OTOGL: variants seen among roughly 807,000 people sequenced by gnomAD.
OTOGL encodes otogelin like.
OTOGL carries 285 observed loss-of-function variants against 318.5 expected under a neutral mutation model. The ratio of observed to expected loss-of-function variants is 0.89; its 90% CI spans 0.81 to 0.99. OTOGL has a LOEUF of 0.99. Among genes scored for constraint, OTOGL ranks in the 50% least tolerant of loss-of-function variants. The pLI, the probability that OTOGL is intolerant of heterozygous loss-of-function variation, is 0.00. For synonymous variants in OTOGL, 987 were observed against 936.5 expected, an observed-to-expected ratio of 1.05 and a Z score of -0.99; for missense variants, 2,899 against 2,845.6, an observed-to-expected ratio of 1.02 and a Z score of -0.43.
chr12:80,177,575 G>T (rs927805243), intron 1 of OTOGL, among the ~76,000 whole-genome samples: 19 of 151,792 alleles, frequency 1.3e-4, no homozygotes, highest in African/African-American at 4.6e-4. Flanking sequence ...TTTTTTAAAT[G>T]AAAGTTGTTT....
intron 11 of OTOGL, among the ~76,000 whole-genome samples, chr12:80,243,019 A>G (rs1189720172): frequency 8.0e-5 from 12 of 150,054 alleles, no homozygotes; most frequent in African/African-American, 1.3e-4. Flanking sequence ...TGATGTGAAA[A>G]CCAAGATTTT....
chr12:80,339,322 T>TTC (rs1491010121), intron 43 of OTOGL, 58 bp downstream of exon 43: 1 of 1,316,094 alleles, frequency 7.6e-7, no homozygotes, highest in Non-Finnish European at 1.0e-6. Flanking sequence ...TTTTTTTTTT[T>TTC]TCTATTCACG....
intron 57 of OTOGL, among the ~76,000 whole-genome samples, chr12:80,374,458 ATT>A (rs1323050369): frequency 2.6e-5 from 4 of 152,144 alleles, no homozygotes; most frequent in Admixed American, 6.6e-5. Flanking sequence ...TAACCTATAT[ATT>A]TTTAATTACT....
chr12:80,192,392 C>G (rs1210203489), intron 1 of OTOGL, among the ~76,000 whole-genome samples: 1 of 152,244 alleles, frequency 6.6e-6, no homozygotes, highest in African/African-American at 2.4e-5. Flanking sequence ...CCCTCCTCCC[C>G]ATGGAATTCT....
chr12:80,349,450 C>T (rs1889403482), intron 44 of OTOGL, among the ~76,000 whole-genome samples: 2 of 151,838 alleles, frequency 1.3e-5, no homozygotes, highest in African/African-American at 4.8e-5. Flanking sequence ...AGAGCATTTT[C>T]AGTGAGAGAA....
At chr12:80,342,201 G>A (rs1888822458) in intron 44 of OTOGL, 39 bp downstream of exon 44, 1 of 1,449,732 alleles carries the variant, frequency 6.9e-7, no homozygotes, top group African/African-American at 1.4e-5. Flanking sequence ...TTTCATGTTA[G>A]ATATGTTGAG....
chr12:80,107,895 A>C (rs1398257066), intron 1 of OTOGL, among the ~76,000 whole-genome samples: 1 of 152,118 alleles, frequency 6.6e-6, no homozygotes, highest in Non-Finnish European at 1.5e-5. Flanking sequence ...GAGCTAAGTA[A>C]CAAGAATACA....
At chr12:80,257,715 TCTC>T (rs1882181785) in intron 17 of OTOGL, 107 bp from the exon 18 acceptor site, 3 of 1,107,500 alleles carry the variant, frequency 2.7e-6, no homozygotes, top group Non-Finnish European at 3.7e-6. Context: ...CTAGCCTGCC[TCTC>T]CTCCTTCCCT....
chr12:80,315,112 G>A (rs2137809123), intron 32 of OTOGL, among the ~76,000 whole-genome samples: 1 of 152,222 alleles, frequency 6.6e-6, no homozygotes, highest in African/African-American at 2.4e-5. Context: ...GTTGGTCAAA[G>A]GGCACAAAGT....
chr12:80,130,834 C>T (rs1871193878), intron 1 of OTOGL, among the ~76,000 whole-genome samples: 1 of 152,218 alleles, frequency 6.6e-6, no homozygotes, highest in African/African-American at 2.4e-5. Flanking sequence ...TGCCATATTT[C>T]CTATCATGCT....
rs1887249826 is a variant in OTOGL, at chr12:80,320,446, C to T, written c.3827C>T (p.Ser1276Phe). 2 of 1,612,828 alleles carry T rather than the reference C, an allele frequency of 1.2e-6. No homozygotes were observed. Among genetic ancestry groups the T allele is most frequent in the South Asian group, 2.2e-5 (2 of 90,992 alleles). Residue 1276 changes from serine (S) to phenylalanine (F), a missense_variant, in exon 34 of 59, where the codon TCT becomes TTT. By Grantham distance (155) the Ser-to-Phe change is radical. Around this residue, in one of 3 missense-constraint regions of OTOGL, gnomAD observed 2,607 missense variants for 2,524.9 expected, o/e 1.03. Coordinates refer to ENST00000547103, the MANE Select transcript of OTOGL (RefSeq NM_001378609.3). The stretch of plus-strand genomic sequence containing the variant: ...GCATTAGCACTTGTTTCCTTGGAAT[C>T]TGCTGAAAGGCCAAACTACTTTCTC... ...VSSLALVSLESAERPNYFLYV... is the reference protein window; with the variant it reads ...VSSLALVSLEFAERPNYFLYV...
chr12:80,323,951 A>G (rs1887518708), intron 35 of OTOGL, 111 bp downstream of exon 35: 1 of 741,386 alleles, frequency 1.3e-6, no homozygotes. Flanking sequence ...TATATGCTAT[A>G]TATTCTTTCA....
At chr12:80,219,445 G>A (rs1476000176) in intron 5 of OTOGL, among the ~76,000 whole-genome samples, 1 of 152,182 alleles carries the variant, frequency 6.6e-6, no homozygotes, top group Non-Finnish European at 1.5e-5. Flanking sequence ...GGAGCTGATG[G>A]GATGTGCAGC....
intron 8 of OTOGL, among the ~76,000 whole-genome samples, chr12:80,231,616 C>A (rs1879364106): frequency 6.6e-6 from 1 of 151,800 alleles, no homozygotes; most frequent in Non-Finnish European, 1.5e-5. Flanking sequence ...TTTGACATGG[C>A]TACCTTTTTA....
At position 80,271,785 on chromosome 12, in the gene OTOGL, A is replaced by G. The variant is rs377473118; in HGVS notation, c.2656A>G (p.Ile886Val). Residue 886 changes from isoleucine to valine, a missense_variant, in exon 24 of 59, where the codon ATA (isoleucine) becomes GTA (valine). This residue lies in a region of OTOGL where 2,607 missense variants were observed against 2,524.9 expected (regional missense o/e 1.03). Transcript: ENST00000547103. ...CACCTGCACCCCATCCTCACCCTGTATAAGTGGCTGTGTTTGTGCTCCAGG... is the reference window on the plus strand; with the variant it reads ...CACCTGCACCCCATCCTCACCCTGTGTAAGTGGCTGTGTTTGTGCTCCAGG... ...NFTCTPSSPC[I>V]SGCVCAPGMA... 5.0e-6 allele frequency: 8 copies of G among 1,612,874 alleles called. No homozygotes were observed. The highest frequency in any genetic ancestry group is 1.1e-5 in the South Asian group (1 of 91,024).
At chr12:80,164,849 G>A (rs1460229053) in intron 1 of OTOGL, among the ~76,000 whole-genome samples, 1 of 152,046 alleles carries the variant, frequency 6.6e-6, no homozygotes, top group African/African-American at 2.4e-5. Context: ...AAAGAAAAGA[G>A]GTTTAATTGG....
Position 80,350,199 on chromosome 12 carries a change from T to G in OTOGL, c.5266-2096T>G, listed in dbSNP as rs139344225. Among the ~76,000 whole-genome samples, 500 of 152,352 alleles carry G rather than the reference T, an allele frequency of 3.3e-3. 3 individuals are homozygous for G. The highest frequency in any genetic ancestry group is 0.011 in the African/African-American group (472 of 41,578). ...GCTTATTTCACTTAACATCATGTTC[T>G]CTGGGTTCATTCATGTTGTCACAAA... On this transcript the variant is annotated intron_variant, in intron 44 of 58. Transcript: ENST00000547103.
At chr12:80,332,889 G>C in intron 37 of OTOGL, 116 bp from the exon 38 acceptor site, 1 of 773,766 alleles carries the variant, frequency 1.3e-6, no homozygotes. Flanking sequence ...AGGATTCTAG[G>C]AAGGAATATG....
chr12:80,233,192 G>A lies in OTOGL; in HGVS notation c.817+95G>A, dbSNP rs532949123. ...ACCCAGAAGACTTGTCATAGCTTTG[G>A]GAAAATTTGTGGCTGTCACTTGCCT... On this transcript the variant is annotated intron_variant, in intron 9 of 58. Coordinates refer to ENST00000547103, the MANE Select transcript of OTOGL (RefSeq NM_001378609.3). 3,954 of 1,138,984 alleles carry A rather than the reference G, an allele frequency of 3.5e-3. 18 individuals are homozygous for A. The highest frequency in any genetic ancestry group is 4.4e-3 in the Non-Finnish European group (3,678 of 832,680). 70.6% of individuals were successfully genotyped at this position (1,138,984 alleles called of 1,614,324 possible).
Sources: gnomAD v4.1 joint callset for allele counts (sites outside exome capture counted in the v4.1 genomes callset) on GRCh38, gnomAD v4.1.1 for gene constraint, gnomAD v4.1.1 regional missense constraint, MANE v1.5 for transcripts, NCBI Gene and HGNC (gene_info 2026-07-23, HGNC 2026-07-21) for gene names.